Variants in RAD50 observed in about 807,000 individuals in gnomAD.
RAD50 encodes DNA repair protein RAD50.
In RAD50, 132 loss-of-function variants were observed where a neutral mutation model predicts 168.8. That is an observed-to-expected ratio of 0.78 (90% CI 0.68 to 0.90). RAD50 has a LOEUF of 0.90. Ranked by LOEUF, RAD50 falls within the 40% of genes least tolerant of loss-of-function variation. The probability of loss-of-function intolerance (pLI) is 0.00; values close to 1 mark genes in which losing one functional copy is unlikely to be tolerated. For missense variants in RAD50, 1,347 were observed against 1,534.4 expected (o/e 0.88, Z 2.04); for synonymous variants, 525 against 497.4 (o/e 1.06, Z -0.74).
intron 11 of RAD50, among the ~76,000 whole-genome samples, chr5:132,593,683 A>C (rs894060581): frequency 4.6e-5 from 7 of 152,166 alleles, no homozygotes; most frequent in Admixed American, 6.5e-5. Context: ...TTGTGGAAGT[A>C]TCTGTGAGGG....
Position 132,645,124 on chromosome 5 carries a change from C to T in RAD50, c.*2760C>T, listed in dbSNP as rs1180110469. 1 of 152,148 alleles carries T rather than the reference C, an allele frequency of 6.6e-6. No individual in the cohort carries two copies. Among genetic ancestry groups the T allele is most frequent in the Non-Finnish European group, 1.5e-5 (1 of 68,066 alleles). 9.4% of individuals were successfully genotyped at this position (152,148 alleles called of 1,614,324 possible). ...TTTAATAACAATAACTGCACCCCTC[C>T]AAAATCTCAGTTTTAAGCATCTCAC... On this transcript the variant is annotated 3_prime_UTR_variant, in exon 25 of 25. Transcript: ENST00000378823.
At chr5:132,633,184 C>T (rs961533984) in intron 21 of RAD50, among the ~76,000 whole-genome samples, 6 of 149,604 alleles carry the variant, frequency 4.0e-5, no homozygotes, top group Non-Finnish European at 5.9e-5. Flanking sequence ...TACTTCCTTC[C>T]GCCTCCATCT....
chr5:132,582,880 A>G (rs1323780399), intron 5 of RAD50, among the ~76,000 whole-genome samples: 1 of 152,114 alleles, frequency 6.6e-6, no homozygotes, highest in Non-Finnish European at 1.5e-5. Flanking sequence ...GTGCTCTGAG[A>G]TTAGAACCAA....
chr5:132,611,474 G>C (rs1264712368), intron 19 of RAD50, among the ~76,000 whole-genome samples: 1 of 152,052 alleles, frequency 6.6e-6, no homozygotes, highest in Admixed American at 6.6e-5. Flanking sequence ...GGGAGGCCAA[G>C]GCGGGCAGAT....
intron 21 of RAD50, among the ~76,000 whole-genome samples, chr5:132,630,217 T>C (rs1037170014): frequency 1.3e-5 from 2 of 152,144 alleles, no homozygotes; most frequent in Admixed American, 6.5e-5. Context: ...TAATTTTTTG[T>C]ATTTTTAGTA....
intron 21 of RAD50, among the ~76,000 whole-genome samples, chr5:132,633,940 C>A (rs1751524966): frequency 6.6e-6 from 1 of 152,048 alleles, no homozygotes; most frequent in Non-Finnish European, 1.5e-5. Flanking sequence ...TGAAAACTTT[C>A]CAGTTGATTT....
In RAD50 at chr5:132,603,432, T is replaced by G. The variant is rs1554099109; in HGVS notation, c.2340T>G (p.Pro780=). ...AAACACTCTTGGGTACAATAATGCCTGAAGAAGAAAGTGCCAAAGTATGCC... is the reference window on the plus strand; with the variant it reads ...AAACACTCTTGGGTACAATAATGCCGGAAGAAGAAAGTGCCAAAGTATGCC... ...EQETLLGTIM[P]EEESAKVCLT... Residue 780 remains proline, a synonymous_variant, in exon 14 of 25, where the codon CCT becomes CCG. Transcript: ENST00000378823. 3 of 1,613,992 alleles carry G rather than the reference T, an allele frequency of 1.9e-6. No individual in the cohort carries two copies. The highest frequency in any genetic ancestry group is 1.7e-6 in the Non-Finnish European group (2 of 1,179,928).
chr5:132,614,386 C>T (rs1056742987), intron 19 of RAD50, among the ~76,000 whole-genome samples: 2 of 152,224 alleles, frequency 1.3e-5, no homozygotes, highest in Admixed American at 1.3e-4. Flanking sequence ...GCTTTAGCAA[C>T]AAAGGACATT....
At chr5:132,615,393 A>C (rs955079157) in intron 19 of RAD50, among the ~76,000 whole-genome samples, 2 of 152,210 alleles carry the variant, frequency 1.3e-5, no homozygotes, top group Non-Finnish European at 2.9e-5. Context: ...GGCACTTCTT[A>C]CTGCCTTGAG....
At chr5:132,578,524 CTTTTTTTT>C (rs903882684) in intron 3 of RAD50, among the ~76,000 whole-genome samples, 3 of 84,342 alleles carry the variant, frequency 3.6e-5, no homozygotes, top group Admixed American at 2.7e-4. Context: ...TTTTTTCTTT[CTTTTTTTT>C]TTTTTTTTTT....
At chr5:132,577,691 C>T (rs574283237) in intron 3 of RAD50, among the ~76,000 whole-genome samples, 1 of 152,042 alleles carries the variant, frequency 6.6e-6, no homozygotes, top group East Asian at 1.9e-4. Context: ...ACATTCTTAT[C>T]CATTGCTCAA....
Position 132,603,289 on chromosome 5 carries a change from TTTC to T in RAD50, c.2208-9_2208-7del, listed in dbSNP as rs1465205983. 4 of 1,601,908 alleles carry T rather than the reference TTTC, an allele frequency of 2.5e-6. No homozygotes were observed. Among genetic ancestry groups the T allele is most frequent in the Non-Finnish European group, 3.4e-6 (4 of 1,171,300 alleles). Reference sequence around the variant, plus strand: ...TCAGATACTTTATTTTTAATTGTGTTTTCTATTTAGGCAAAGCATAATTGATTT... The same window carrying T: ...TCAGATACTTTATTTTTAATTGTGTTTATTTAGGCAAAGCATAATTGATTT... On this transcript the variant is annotated splice_polypyrimidine_tract_variant and splice_region_variant and intron_variant, in intron 13 of 24. Coordinates refer to ENST00000378823, the MANE Select transcript of RAD50 (RefSeq NM_005732.4).
At chr5:132,610,655 A>G (rs1751068124) in intron 19 of RAD50, among the ~76,000 whole-genome samples, 1 of 152,224 alleles carries the variant, frequency 6.6e-6, no homozygotes, top group South Asian at 2.1e-4. Flanking sequence ...AATTTCAAAT[A>G]TATGAAATAT....
chr5:132,613,097 AGCT>A (rs897462409), intron 19 of RAD50, among the ~76,000 whole-genome samples: 4 of 151,904 alleles, frequency 2.6e-5, no homozygotes, highest in Non-Finnish European at 2.9e-5. Context: ...TCTAGAATGC[AGCT>A]AATTTTTATG....
chr5:132,626,079 A>C (rs1382340745), intron 21 of RAD50, among the ~76,000 whole-genome samples: 2 of 152,062 alleles, frequency 1.3e-5, no homozygotes, highest in African/African-American at 4.8e-5. Flanking sequence ...CATGTAGGCC[A>C]TATTGATCTC....
Position 132,559,360 on chromosome 5 carries a change from A to T in RAD50, c.206A>T (p.Asp69Val). 6.2e-7 allele frequency: 1 copy of T among 1,608,340 alleles called. No homozygotes were observed. The highest frequency in any genetic ancestry group is 8.5e-7 in the Non-Finnish European group (1 of 1,177,084). Residue 69 changes from aspartate to valine, a missense_variant, in exon 2 of 25, where the codon GAT (aspartate) becomes GTT (valine). Asp to Val is a radical substitution (Grantham distance 152). Transcript: ENST00000378823. ...ACCAAAGGAAATACATTTGTACACG[A>T]TCCCAAGGTAATGGTGCTAGTACAA... ...PGTKGNTFVH[D>V]PKVAQETDVR...
At chr5:132,602,018 T>C (rs1221264716) in intron 13 of RAD50, among the ~76,000 whole-genome samples, 1 of 151,998 alleles carries the variant, frequency 6.6e-6, no homozygotes, top group East Asian at 1.9e-4. Context: ...TTAGGAGAAA[T>C]ACCTAATGTA....
chr5:132,603,472 A>G lies in RAD50; in HGVS notation c.2380A>G (p.Ile794Val), dbSNP rs777425696. 9 of 1,613,856 alleles carry G rather than the reference A, an allele frequency of 5.6e-6. No individual in the cohort carries two copies. The highest frequency in any genetic ancestry group is 5.5e-5 in the South Asian group (5 of 91,078). Residue 794 changes from isoleucine to valine, a missense_variant, in exon 14 of 25, where the codon ATT becomes GTT. Transcript: ENST00000378823. ...CAAAGTATGCCTGACAGATGTTACA[A>G]TTATGGAGAGGTTCCAGGTAAGTTT... is the stretch of plus-strand genomic sequence containing the variant. ...SAKVCLTDVT[I>V]MERFQMELKD... is the part of the protein sequence containing the mutation.
In RAD50 at chr5:132,642,260, C is replaced by T. The variant is rs786201810; in HGVS notation, c.3835C>T (p.Arg1279Cys). The T allele has an allele frequency of 1.4e-5, 22 of 1,613,766 alleles. No individual in the cohort carries two copies. The highest frequency in any genetic ancestry group is 1.7e-5 in the Non-Finnish European group (20 of 1,179,800). ...HDEDFVELLG[R>C]SEYVEKFYRI... Reference sequence around the variant, plus strand: ...TGAAGATTTTGTGGAGCTTTTAGGACGTTCTGAATATGTGGAGAAATTCTA... The same window carrying T: ...TGAAGATTTTGTGGAGCTTTTAGGATGTTCTGAATATGTGGAGAAATTCTA... Residue 1279 changes from arginine to cysteine, a missense_variant, in exon 25 of 25, where the codon CGT (arginine) becomes TGT (cysteine). Arg to Cys is a radical substitution (Grantham distance 180). Around this residue, in one of 3 missense-constraint regions of RAD50, gnomAD observed 635 missense variants for 739.2 expected, o/e 0.86. Coordinates refer to ENST00000378823, the MANE Select transcript of RAD50 (RefSeq NM_005732.4).
Sources: allele counts gnomAD v4.1 joint callset (sites outside exome capture counted in the v4.1 genomes callset), GRCh38; gene constraint gnomAD v4.1.1; regional missense constraint gnomAD v4.1.1; transcripts MANE v1.5; gene names NCBI Gene and HGNC (gene_info 2026-07-23, HGNC 2026-07-21).